NEDD4: variants seen among roughly 807,000 people sequenced by gnomAD.
NEDD4 encodes NEDD4 E3 ubiquitin protein ligase.
In NEDD4, 99 loss-of-function variants were observed where a neutral mutation model predicts 144.9. The ratio of observed to expected loss-of-function variants is 0.68; its 90% CI spans 0.58 to 0.81. The LOEUF (loss-of-function observed/expected upper bound fraction) is 0.81, where lower values mean the gene tolerates loss of function less well. Ranked by LOEUF, NEDD4 falls within the 30% of genes least tolerant of loss-of-function variation. The pLI is 0.00. For missense variants in NEDD4, 985 were observed against 1,065.9 expected (o/e 0.92, Z 1.06); for synonymous variants, 318 against 350.6 (o/e 0.91, Z 1.04).
chr15:55,827,534 T>TA lies in NEDD4; in HGVS notation c.*2362dup, dbSNP rs2032752306. 6.6e-6 allele frequency: 1 copy of TA among 152,204 alleles called. No homozygotes were observed. Among genetic ancestry groups the TA allele is most frequent in the Non-Finnish European group, 1.5e-5 (1 of 68,032 alleles). 9.4% of individuals were successfully genotyped at this position (152,204 alleles called of 1,614,324 possible). On this transcript the variant is annotated 3_prime_UTR_variant, in exon 29 of 29. Transcript: ENST00000435532. ...AGAAAGCTTTGTATTTTCTCATGCT[T>TA]AGATAGTTCACAAACATAATATTTA...
intron 5 of NEDD4, among the ~76,000 whole-genome samples, chr15:55,910,943 C>T (rs1327054320): frequency 3.3e-5 from 5 of 151,288 alleles, no homozygotes; most frequent in African/African-American, 1.2e-4. Flanking sequence ...AACTACTTAA[C>T]TATCAGCCGA....
At chr15:55,861,864 T>A (rs2034421655) in intron 9 of NEDD4, among the ~76,000 whole-genome samples, 1 of 152,174 alleles carries the variant, frequency 6.6e-6, no homozygotes. Flanking sequence ...CAGTTCTTAC[T>A]GTACCGTAGC....
At chr15:55,927,098 A>G (rs1463292365) in intron 4 of NEDD4, among the ~76,000 whole-genome samples, 1 of 140,886 alleles carries the variant, frequency 7.1e-6, no homozygotes, top group Non-Finnish European at 1.5e-5. Context: ...AAAAAAAAAA[A>G]AGAAAGAAAG....
At chr15:55,917,348 T>C (rs1165449701) in intron 5 of NEDD4, among the ~76,000 whole-genome samples, 10 of 152,204 alleles carry the variant, frequency 6.6e-5, no homozygotes, top group Admixed American at 5.2e-4. Flanking sequence ...GGTATAGAAT[T>C]ACAGGAAGTT....
At chr15:55,924,536 A>G in intron 5 of NEDD4, 110 bp downstream of exon 5, 2 of 912,892 alleles carry the variant, frequency 2.2e-6, no homozygotes, top group Non-Finnish European at 3.4e-6. Flanking sequence ...GAGTCTCCAT[A>G]ACCACCCCCA....
At chr15:55,883,988 T>C (rs1418082246) in intron 5 of NEDD4, among the ~76,000 whole-genome samples, 1 of 151,832 alleles carries the variant, frequency 6.6e-6, no homozygotes, top group Non-Finnish European at 1.5e-5. Context: ...CAAGCAATTC[T>C]CCTGCCTCAG....
chr15:55,966,100 A>G (rs2142329352), intron 2 of NEDD4, among the ~76,000 whole-genome samples: 1 of 152,306 alleles, frequency 6.6e-6, no homozygotes, highest in African/African-American at 2.4e-5. Flanking sequence ...TCTTCCAAAC[A>G]TGAACTCCCC....
chr15:55,966,586 T>A, intron 1 of NEDD4, 40 bp from the exon 2 acceptor site: 1 of 1,148,146 alleles, frequency 8.7e-7, no homozygotes, highest in Non-Finnish European at 1.2e-6. Flanking sequence ...CATGTACTTA[T>A]AAGTTAACTA....
intron 5 of NEDD4, among the ~76,000 whole-genome samples, chr15:55,923,015 C>A (rs1271283746): frequency 1.2e-4 from 18 of 151,710 alleles, no homozygotes; most frequent in African/African-American, 3.6e-4. Flanking sequence ...GAAACCCCGT[C>A]TCTACTAAAA....
intron 24 of NEDD4, among the ~76,000 whole-genome samples, chr15:55,835,230 A>G (rs1346503882): frequency 6.6e-6 from 1 of 152,194 alleles, no homozygotes; most frequent in Non-Finnish European, 1.5e-5. Context: ...CTTCCTTGAA[A>G]TTGTTCTGGA....
intron 18 of NEDD4, among the ~76,000 whole-genome samples, chr15:55,844,143 G>A (rs1361787028): frequency 1.3e-5 from 2 of 152,096 alleles, no homozygotes; most frequent in Non-Finnish European, 2.9e-5. Flanking sequence ...GCATACATGA[G>A]AGGTCTGATA....
At chr15:55,982,357 G>C (rs775832765) in intron 1 of NEDD4, among the ~76,000 whole-genome samples, 1 of 152,158 alleles carries the variant, frequency 6.6e-6, no homozygotes, top group Non-Finnish European at 1.5e-5. Flanking sequence ...ATAGCCCAAA[G>C]TTGGAAACAA....
At chr15:55,949,868 T>G (rs536261067) in intron 4 of NEDD4, among the ~76,000 whole-genome samples, 1 of 151,802 alleles carries the variant, frequency 6.6e-6, no homozygotes, top group Admixed American at 6.6e-5. Context: ...AGTTAATGGG[T>G]GCAGCACACC....
At chr15:55,953,518 T>G (rs1054643734) in intron 2 of NEDD4, among the ~76,000 whole-genome samples, 60 of 151,876 alleles carry the variant, frequency 4.0e-4, no homozygotes, top group African/African-American at 1.3e-3. Context: ...CTTGGCTCAC[T>G]GCAGCTTCTG....
At chr15:55,930,449 T>C (rs1490531557) in intron 4 of NEDD4, among the ~76,000 whole-genome samples, 1 of 152,216 alleles carries the variant, frequency 6.6e-6, no homozygotes, top group African/African-American at 2.4e-5. Flanking sequence ...TGAGGAATTC[T>C]GATTGAGAAG....
chr15:55,943,066 G>A (rs1017156948), intron 4 of NEDD4, among the ~76,000 whole-genome samples: 24 of 152,158 alleles, frequency 1.6e-4, no homozygotes, highest in African/African-American at 2.7e-4. Flanking sequence ...GATGATTTAC[G>A]GTATCTGGCA....
chr15:55,848,862 C>A lies in NEDD4; in HGVS notation c.1372G>T (p.Ala458Ser). The A allele has an allele frequency of 6.2e-7, 1 of 1,613,694 alleles. No individual in the cohort carries two copies. Among genetic ancestry groups the A allele is most frequent in the Admixed American group, 1.7e-5 (1 of 60,002 alleles). Residue 458 changes from alanine to serine, a missense_variant, in exon 15 of 29, where the codon GCC becomes TCC. By Grantham distance (99) the Ala-to-Ser change is moderately conservative (BLOSUM62 1). Coordinates refer to ENST00000435532, the MANE Select transcript of NEDD4 (RefSeq NM_006154.4). ...AGTGATGTCTTTCCTCTCAGATGGG[C>A]TGGAATTTTCAATCTTGGATCTTCC... is the stretch of plus-strand genomic sequence containing the variant. ...TWEDPRLKIP[A>S]HLRGKTSLDT...
chr15:55,869,258 A>G (rs538992412), intron 8 of NEDD4, among the ~76,000 whole-genome samples: 2 of 152,314 alleles, frequency 1.3e-5, no homozygotes, highest in Non-Finnish European at 2.9e-5. Context: ...AGTCTCCTCA[A>G]AATGTCCATA....
intron 2 of NEDD4, among the ~76,000 whole-genome samples, chr15:55,958,590 T>C (rs2037376132): frequency 6.6e-6 from 1 of 152,134 alleles, no homozygotes; most frequent in African/African-American, 2.4e-5. Flanking sequence ...GATAGCTGCA[T>C]CCAGTGATAT....
Sources: gnomAD v4.1 joint callset for allele counts (sites outside exome capture counted in the v4.1 genomes callset) on GRCh38, gnomAD v4.1.1 for gene constraint, MANE v1.5 for transcripts, NCBI Gene and HGNC (gene_info 2026-07-23, HGNC 2026-07-21) for gene names.